KNOP1: variants seen among roughly 807,000 people sequenced by gnomAD.
KNOP1 encodes lysine-rich nucleolar protein 1.
In KNOP1, 20 loss-of-function variants were observed where a neutral mutation model predicts 30.6. The ratio of observed to expected loss-of-function variants is 0.65; its 90% CI spans 0.46 to 0.95. The LOEUF (loss-of-function observed/expected upper bound fraction) is 0.95, where lower values mean the gene tolerates loss of function less well. Ranked by LOEUF, KNOP1 falls within the 40% of genes least tolerant of loss-of-function variation. The pLI is 0.00. For synonymous variants in KNOP1, 204 were observed against 210.0 expected, an observed-to-expected ratio of 0.97 and a Z score of 0.25; for missense variants, 540 against 562.0, an observed-to-expected ratio of 0.96 and a Z score of 0.40.
chr16:19,718,024 G>A (rs1458239418), intron 1 of KNOP1, 134 bp downstream of exon 1: 5 of 1,374,810 alleles, frequency 3.6e-6, no homozygotes, highest in Non-Finnish European at 4.7e-6. Flanking sequence ...GCCGGAGCGG[G>A]CGCACACCGA....
chr16:19,717,318 G>C (rs971583266), intron 1 of KNOP1: 1 of 985,358 alleles, frequency 1.0e-6, no homozygotes, highest in Non-Finnish European at 1.2e-6. Context: ...AGTGGGCAGA[G>C]ATAAAGGAGC....
chr16:19,717,320 T>C lies in KNOP1; in HGVS notation c.-3+838A>G, dbSNP rs565319868. 3.0e-6 allele frequency: 3 copies of C among 985,278 alleles called. No homozygotes were observed. The African/African-American group carries it at 5.2e-5, about 17-fold the overall frequency. The allele number at this position is 985,278 out of a possible 1,614,324, so 61.0% of individuals were successfully genotyped here. ...TGGCATTTAAATAAGTGGGCAGAGA[T>C]AAAGGAGCTTGCAAAGAAGAAGGTG... On this transcript the variant is annotated intron_variant, in intron 1 of 4. Transcript: ENST00000219837.
chr16:19,714,143 C>T lies in KNOP1; in HGVS notation c.893G>A (p.Gly298Glu), dbSNP rs768171960. 1.9e-5 allele frequency: 30 copies of T among 1,612,428 alleles called. No homozygotes were observed. The highest frequency in any genetic ancestry group is 2.2e-5 in the Non-Finnish European group (26 of 1,179,698). Residue 298 changes from glycine (G) to glutamate (E), a missense_variant, in exon 2 of 5, where the codon GGG becomes GAG. Coordinates refer to ENST00000219837, the MANE Select transcript of KNOP1 (RefSeq NM_001012991.3). ...RKKKKKRKES[G>E]VAGDPWKEET... Reference sequence around the variant, plus strand: ...CTCCTTCCAAGGGTCTCCTGCTACCCCACTCTCTTTCCTCTTCTTCTTTTT... The same window carrying T: ...CTCCTTCCAAGGGTCTCCTGCTACCTCACTCTCTTTCCTCTTCTTCTTTTT...
chr16:19,715,129 G>A lies in KNOP1; in HGVS notation c.-2-92C>T, dbSNP rs74013811. The A allele has an allele frequency of 0.015, 13,361 of 892,974 alleles. 977 individuals carry two copies. In the African/African-American group the frequency reaches 0.18, roughly 12 times the overall value. 55.3% of individuals were successfully genotyped at this position (892,974 alleles called of 1,614,324 possible). ...GCCAAGAGCCATGTTTCTTTGAGTG[G>A]GTGGTCAAAGCGTTGTGGGACAGGG... On this transcript the variant is annotated intron_variant, in intron 1 of 4. Coordinates refer to ENST00000219837, the MANE Select transcript of KNOP1 (RefSeq NM_001012991.3).
intron 4 of KNOP1, among the ~76,000 whole-genome samples, chr16:19,708,196 G>GAAAA (rs1976518972): frequency 2.0e-5 from 3 of 151,430 alleles, no homozygotes; most frequent in South Asian, 4.2e-4. Flanking sequence ...GAACGGGTGC[G>GAAAA]GGCCCACAGG....
At chr16:19,712,354 G>A (rs560064922) in intron 2 of KNOP1, among the ~76,000 whole-genome samples, 23 of 152,278 alleles carry the variant, frequency 1.5e-4, no homozygotes, top group Admixed American at 7.9e-4. Flanking sequence ...CCCTCTAACC[G>A]AGCAATGGGT....
rs374645979 is a variant in KNOP1 at position 19,714,300 on chromosome 16, T to G, written c.736A>C (p.Lys246Gln). Residue 246 changes from lysine to glutamine, a missense_variant, in exon 2 of 5, where the codon AAG (lysine) becomes CAG (glutamine). Transcript: ENST00000219837. Reference protein sequence around the residue: ...ESSPRKGSKKKPVKVEAPEYI... With the variant: ...ESSPRKGSKKQPVKVEAPEYI... ...TCCGGAGCCTCAACTTTGACTGGCTTCTTTTTACTTCCTTTCCTAGGGCTG... is the reference window on the plus strand; with the variant it reads ...TCCGGAGCCTCAACTTTGACTGGCTGCTTTTTACTTCCTTTCCTAGGGCTG... 1.1e-5 allele frequency: 17 copies of G among 1,614,012 alleles called. No homozygotes were observed. In the African/African-American group the frequency reaches 2.3e-4, roughly 22 times the overall value.
At chr16:19,710,104 GAA>G (rs1976629845) in intron 4 of KNOP1, among the ~76,000 whole-genome samples, 1 of 152,080 alleles carries the variant, frequency 6.6e-6, no homozygotes, top group Non-Finnish European at 1.5e-5. Context: ...GACTGGATCT[GAA>G]AACCAGGCCT....
intron 3 of KNOP1, among the ~76,000 whole-genome samples, 181 bp downstream of exon 3, chr16:19,711,191 G>A (rs949263409): frequency 6.6e-6 from 1 of 152,372 alleles, no homozygotes; most frequent in African/African-American, 2.4e-5. Context: ...CCCCCAGCAT[G>A]AGGATGGGGA....
chr16:19,706,827 TCACAAAAAA>T lies in KNOP1; in HGVS notation c.*74_*82del. 6.7e-7 allele frequency: 1 copy of T among 1,493,276 alleles called. No individual in the cohort carries two copies. Among genetic ancestry groups the T allele is most frequent in the Non-Finnish European group, 9.1e-7 (1 of 1,096,026 alleles). 92.5% of individuals were successfully genotyped at this position (1,493,276 alleles called of 1,614,324 possible). ...AGGTCCTCACCAAGATCTGATTTTT[TCACAAAAAA>T]AATTTGTAATCTCCAGCATAAATGG... On this transcript the variant is annotated 3_prime_UTR_variant, in exon 5 of 5. Transcript: ENST00000219837.
At position 19,714,810 on chromosome 16, in the gene KNOP1, T is replaced by C; in HGVS notation, c.226A>G (p.Thr76Ala). The change falls in exon 2 of 5, where the codon ACC (threonine) becomes GCC (alanine). Residue 76 changes from threonine to alanine, a missense_variant. Transcript: ENST00000219837. The stretch of plus-strand genomic sequence containing the variant: ...GGTTCTACATGCTCCTCGCAAAGGG[T>C]GCTGACACCCTTCTTTTTCTTCTTC... ...KKKKKKKGVS[T>A]LCEEHVEPET... is the part of the protein sequence containing the mutation. 6.2e-7 allele frequency: 1 copy of C among 1,613,918 alleles called. No individual in the cohort carries two copies. The highest frequency in any genetic ancestry group is 8.5e-7 in the Non-Finnish European group (1 of 1,179,974).
chr16:19,713,669 T>C (rs1047538317), intron 2 of KNOP1, among the ~76,000 whole-genome samples: 4 of 152,202 alleles, frequency 2.6e-5, no homozygotes, highest in African/African-American at 9.7e-5. Context: ...ATCTATTTGA[T>C]GTATAAATTG....
chr16:19,716,633 G>GGT (rs1977107416), intron 1 of KNOP1: 1 of 152,182 alleles, frequency 6.6e-6, no homozygotes, highest in Non-Finnish European at 1.5e-5. Flanking sequence ...GCCTTGAACA[G>GGT]AACAAGCCTG....
At chr16:19,713,968 C>A in intron 2 of KNOP1, 150 bp downstream of exon 2, 1 of 743,522 alleles carries the variant, frequency 1.3e-6, no homozygotes, top group Non-Finnish European at 2.2e-6. Flanking sequence ...CAATAAACTC[C>A]CTATTCTGGC....
intron 3 of KNOP1, among the ~76,000 whole-genome samples, chr16:19,710,911 CAA>C (rs547237111): frequency 0.29 from 23,101 of 79,862 alleles, 1,642 homozygotes; most frequent in African/African-American, 0.38. Flanking sequence ...GACTCCGTCT[CAA>C]AAAAAAAAAA....
rs1183102187 is a variant in KNOP1 at position 19,705,096 on chromosome 16, C to A, written c.*1814G>T. ...TTCCTTGAGACACAAAAAGGCTTTT[C>A]TTCCTCTGGAATGTTCTAGGGTCTT... is the stretch of plus-strand genomic sequence containing the variant. On this transcript the variant is annotated 3_prime_UTR_variant, in exon 5 of 5. Transcript: ENST00000219837. The A allele has an allele frequency of 6.7e-6, 3 of 444,470 alleles. No homozygotes were observed. The highest frequency in any genetic ancestry group is 3.3e-4 in the Middle Eastern group (1 of 3,034). The allele number at this position is 444,470 out of a possible 1,614,324, so 27.5% of individuals were successfully genotyped here. A position where few individuals can be genotyped will look rare whatever the true frequency, so the allele number is the denominator to read the frequency against.
chr16:19,712,506 A>G (rs1421854572), intron 2 of KNOP1, among the ~76,000 whole-genome samples: 1 of 152,202 alleles, frequency 6.6e-6, no homozygotes, highest in Non-Finnish European at 1.5e-5. Flanking sequence ...GAAGGGATAA[A>G]TGCCAACTTC....
chr16:19,707,420 C>T (rs544062996), intron 4 of KNOP1, among the ~76,000 whole-genome samples, 199 bp from the exon 5 acceptor site: 3 of 152,142 alleles, frequency 2.0e-5, no homozygotes, highest in African/African-American at 4.8e-5. Flanking sequence ...ATTCCCATTG[C>T]ACAGAGGAGA....
chr16:19,714,964 T>A lies in KNOP1; in HGVS notation c.72A>T (p.Glu24Asp), dbSNP rs2151655794. The change falls in exon 2 of 5, where the codon GAA becomes GAT. Residue 24 changes from glutamate (E) to aspartate (D), a missense_variant. Glu to Asp is a conservative substitution (Grantham distance 45, BLOSUM62 2). Coordinates refer to ENST00000219837, the MANE Select transcript of KNOP1 (RefSeq NM_001012991.3). ...TTAAAACTGAGTATCGAGTCTCTGG[T>A]TCTTTGACCACTTTCTTCTTCTTTT... ...EKKKKKKVVK[E>D]PETRYSVLNN... The A allele has an allele frequency of 1.2e-6, 2 of 1,603,480 alleles. No individual in the cohort carries two copies. The highest frequency in any genetic ancestry group is 4.5e-5 in the East Asian group (2 of 44,844).
Sources: gnomAD v4.1 joint callset for allele counts (sites outside exome capture counted in the v4.1 genomes callset) on GRCh38, gnomAD v4.1.1 for gene constraint, MANE v1.5 for transcripts, NCBI Gene and HGNC (gene_info 2026-07-23, HGNC 2026-07-21) for gene names.